The following ARHGAP6 variants were observed in gnomAD, a reference collection of about 807,000 sequenced individuals.
ARHGAP6 encodes rho GTPase-activating protein 6.
In ARHGAP6, 16 loss-of-function variants were observed where a neutral mutation model predicts 55.7. The ratio of observed to expected loss-of-function variants is 0.29; its 90% CI spans 0.19 to 0.44. The LOEUF (loss-of-function observed/expected upper bound fraction) is 0.44, where lower values mean the gene tolerates loss of function less well. Among genes scored for constraint, ARHGAP6 ranks in the 20% least tolerant of loss-of-function variants. The pLI, the probability that ARHGAP6 is intolerant of heterozygous loss-of-function variation, is 1.00. For synonymous variants in ARHGAP6, 382 were observed against 360.9 expected (o/e 1.06, Z -0.66); for missense variants, 698 against 808.9 (o/e 0.86, Z 1.66).
intron 1 of ARHGAP6, among the ~76,000 whole-genome samples, chrX:11,599,471 T>C (rs2051944512): frequency 8.9e-6 from 1 of 112,049 alleles, no homozygotes; most frequent in South Asian, 3.7e-4. Flanking sequence ...TACTCAAAAA[T>C]CTATTTTCAA....
chrX:11,194,435 G>A (rs936260879), intron 3 of ARHGAP6, among the ~76,000 whole-genome samples: 41 of 111,885 alleles, frequency 3.7e-4, no homozygotes, highest in African/African-American at 1.3e-3. Flanking sequence ...TGAAGAACAC[G>A]AACTCAGACT....
At chrX:11,184,546 T>C (rs1318241680) in intron 5 of ARHGAP6, among the ~76,000 whole-genome samples, 1 of 112,519 alleles carries the variant, frequency 8.9e-6, no homozygotes, top group East Asian at 2.8e-4. Flanking sequence ...TTTTAATTAT[T>C]CAGAAACCAT....
intron 1 of ARHGAP6, among the ~76,000 whole-genome samples, chrX:11,657,588 T>C (rs2052653148): frequency 9.0e-6 from 1 of 110,996 alleles, no homozygotes; most frequent in African/African-American, 3.3e-5. Context: ...TTCAAACATG[T>C]AGAATTTGAG....
chrX:11,492,942 C>T (rs970279085), intron 1 of ARHGAP6, among the ~76,000 whole-genome samples: 2 of 111,555 alleles, frequency 1.8e-5, no homozygotes, highest in African/African-American at 6.5e-5. Context: ...CACTCCTTAC[C>T]ACTAGACAAA....
At chrX:11,427,225 G>GCCTA (rs754765371) in intron 1 of ARHGAP6, among the ~76,000 whole-genome samples, 1 of 111,792 alleles carries the variant, frequency 8.9e-6, no homozygotes, top group East Asian at 2.8e-4. Flanking sequence ...AGCGACCTAG[G>GCCTA]CCTAACCCCA....
chrX:11,314,660 A>T (rs980960685), intron 1 of ARHGAP6, among the ~76,000 whole-genome samples: 9 of 111,756 alleles, frequency 8.1e-5, no homozygotes, highest in African/African-American at 2.9e-4. Flanking sequence ...TCCATGGTAT[A>T]TATCCTTAGC....
intron 1 of ARHGAP6, among the ~76,000 whole-genome samples, chrX:11,372,987 T>C (rs1317260149): frequency 1.8e-5 from 2 of 109,209 alleles, no homozygotes; most frequent in Non-Finnish European, 3.8e-5. Context: ...TATGTAAATA[T>C]TGAAATAAAA....
chrX:11,484,230 G>A (rs780131560), intron 1 of ARHGAP6, among the ~76,000 whole-genome samples: 32 of 110,496 alleles, frequency 2.9e-4, no homozygotes, highest in Admixed American at 8.8e-4. Flanking sequence ...ATGCAGCTTT[G>A]CCCTGGTATG....
chrX:11,537,036 G>A (rs1383101036), intron 1 of ARHGAP6, among the ~76,000 whole-genome samples: 2 of 112,113 alleles, frequency 1.8e-5, no homozygotes, highest in African/African-American at 3.2e-5. Context: ...ACTGGGAGCT[G>A]TCCCTCAATA....
intron 2 of ARHGAP6, among the ~76,000 whole-genome samples, chrX:11,246,319 T>A (rs976650720): frequency 9.0e-6 from 1 of 111,407 alleles, no homozygotes. Context: ...ATCAACCCTA[T>A]GAGACCATCA....
intron 1 of ARHGAP6, among the ~76,000 whole-genome samples, chrX:11,284,522 G>T (rs1030042809): frequency 7.1e-5 from 8 of 112,104 alleles, no homozygotes; most frequent in Non-Finnish European, 3.8e-5. Flanking sequence ...CATAGCCCCA[G>T]GGTTTTGGGC....
intron 1 of ARHGAP6, among the ~76,000 whole-genome samples, chrX:11,544,441 T>G (rs1246543621): frequency 2.7e-5 from 3 of 112,379 alleles, no homozygotes; most frequent in African/African-American, 9.7e-5. Context: ...CTGAGAGGCC[T>G]TAAGAACATA....
intron 1 of ARHGAP6, among the ~76,000 whole-genome samples, chrX:11,383,841 A>G (rs756388460): frequency 3.6e-5 from 4 of 111,632 alleles, no homozygotes; most frequent in Admixed American, 9.6e-5. Flanking sequence ...TTATCAAACT[A>G]TAAAAGGAAA....
In ARHGAP6 at chrX:11,405,405, C is replaced by T. The variant is rs143942039; in HGVS notation, c.589-150698G>A. 2.9e-3 allele frequency among the ~76,000 whole-genome samples: 322 copies of T among 112,274 alleles called. 5 individuals carry two copies. The East Asian group carries it at 0.053, about 18-fold the overall frequency. On this transcript the variant is annotated intron_variant, in intron 1 of 12. Coordinates refer to ENST00000337414, the MANE Select transcript of ARHGAP6 (RefSeq NM_013427.3). ...GACAAATCCATGACGGAAGACACTG[C>T]TGGGTAAAAACACATCTGGATCCCA...
chrX:11,311,059 G>T (rs1013518196), intron 1 of ARHGAP6, among the ~76,000 whole-genome samples: 1 of 111,329 alleles, frequency 9.0e-6, no homozygotes, highest in Admixed American at 9.6e-5. Flanking sequence ...TGCCTTTTTC[G>T]CAGGGAAAGG....
At chrX:11,662,723 G>C (rs1221400667) in intron 1 of ARHGAP6, among the ~76,000 whole-genome samples, 1 of 112,617 alleles carries the variant, frequency 8.9e-6, no homozygotes, top group Non-Finnish European at 1.9e-5. Flanking sequence ...TGGTTGCTAA[G>C]AAAAGCAGAA....
chrX:11,513,581 C>A, intron 1 of ARHGAP6, among the ~76,000 whole-genome samples: 1 of 111,400 alleles, frequency 9.0e-6, no homozygotes, highest in Middle Eastern at 4.6e-3. Context: ...TACAACTTGG[C>A]ACTGAATCCG....
At chrX:11,166,463 C>T (rs183606732) in intron 9 of ARHGAP6, among the ~76,000 whole-genome samples, 4 of 112,099 alleles carry the variant, frequency 3.6e-5, no homozygotes, top group Non-Finnish European at 7.5e-5. Flanking sequence ...CCCTGACTAG[C>T]TTCATCCTTC....
In ARHGAP6 at chrX:11,533,756, G is replaced by A. The variant is rs369862150; in HGVS notation, c.588+130485C>T. ...AAAGTCTTTGTTTACAGAGAGAAAG[G>A]TCACCAATCCTGTCTTCAAGATGCA... On this transcript the variant is annotated intron_variant, in intron 1 of 12. Coordinates refer to ENST00000337414, the MANE Select transcript of ARHGAP6 (RefSeq NM_013427.3). Among the ~76,000 whole-genome samples the A allele has an allele frequency of 5.4e-5, 6 of 111,997 alleles. No individual in the cohort carries two copies. In the South Asian group the frequency reaches 2.2e-3, roughly 42 times the overall value.
Sources: gnomAD v4.1 joint callset for allele counts (sites outside exome capture counted in the v4.1 genomes callset) on GRCh38, gnomAD v4.1.1 for gene constraint, MANE v1.5 for transcripts, NCBI Gene and HGNC (gene_info 2026-07-23, HGNC 2026-07-21) for gene names.